The following METTL22 variants were observed in gnomAD, a reference collection of about 807,000 sequenced individuals.
METTL22 encodes the protein methyltransferase-like protein 22.
Under a neutral mutation model 48.4 loss-of-function variants are expected in METTL22, and 51 were observed. The observed-to-expected ratio is 1.05, with a 90% CI of 0.84 to 1.33. The LOEUF (loss-of-function observed/expected upper bound fraction) is 1.33, where lower values mean the gene tolerates loss of function less well. Ranked by LOEUF, METTL22 falls within the 40% of genes most tolerant of loss-of-function variation. The pLI is 0.00. For missense variants in METTL22, 678 were observed against 526.9 expected (o/e 1.29, Z -2.81); for synonymous variants, 255 against 214.1 (o/e 1.19, Z -1.67).
chr16:8,644,755 G>A (rs2056734077), intron 10 of METTL22, 30 bp downstream of exon 10: 3 of 1,524,906 alleles, frequency 2.0e-6, no homozygotes, highest in African/African-American at 1.4e-5. Context: ...CAGGGCCGTT[G>A]GTTGCTTTAC....
Position 8,646,611 on chromosome 16 carries a change from C to G in METTL22, c.*468C>G. 1 of 460,268 alleles carries G rather than the reference C, an allele frequency of 2.2e-6. No homozygotes were observed. The highest frequency in any genetic ancestry group is 2.3e-5 in the Admixed American group (1 of 42,664). The allele number at this position is 460,268 out of a possible 1,614,324, so 28.5% of individuals were successfully genotyped here. A position where few individuals can be genotyped will look rare whatever the true frequency, so the allele number is the denominator to read the frequency against. On this transcript the variant is annotated 3_prime_UTR_variant, in exon 11 of 11. Transcript: ENST00000381920. ...TCCTCCCAGGGTTGGGTATGCTCCA[C>G]CCCATCACTCTGGTGAGGGCCCCAT...
intron 5 of METTL22, among the ~76,000 whole-genome samples, chr16:8,636,258 G>C (rs2056418029): frequency 6.6e-6 from 1 of 152,136 alleles, no homozygotes; most frequent in Non-Finnish European, 1.5e-5. Flanking sequence ...ATATAGGCCA[G>C]GTGCGGTGGC....
downstream of METTL22, among the ~76,000 whole-genome samples, chr16:8,651,151 G>A (rs2056889406): frequency 6.6e-6 from 1 of 152,086 alleles, no homozygotes; most frequent in Non-Finnish European, 1.5e-5. Flanking sequence ...ACTTTGGGAG[G>A]CCGAGGTGGG....
chr16:8,662,234 T>C, the METTL22 span, among the ~76,000 whole-genome samples: 2 of 145,278 alleles, frequency 1.4e-5, no homozygotes, highest in African/African-American at 5.2e-5. Context: ...AGAGCGAGAC[T>C]CTGTCTCTAA....
chr16:8,666,145 A>C, the METTL22 span, among the ~76,000 whole-genome samples: 3 of 152,152 alleles, frequency 2.0e-5, no homozygotes, highest in African/African-American at 7.2e-5. Context: ...CTCAACCTGA[A>C]AGGGACAGGT....
intron 6 of METTL22, among the ~76,000 whole-genome samples, 181 bp from the exon 7 acceptor site, chr16:8,640,930 ATGGATGGATGGATGGGTGGG>A (rs2056588666): frequency 1.4e-5 from 1 of 69,858 alleles, no homozygotes; most frequent in African/African-American, 4.9e-5. Flanking sequence ...GGATGGATGG[ATGGATGGATGGATGGGTGGG>A]TGGATGGCTG....
At chr16:8,632,548 A>G (rs987201018) in intron 3 of METTL22, among the ~76,000 whole-genome samples, 1 of 152,052 alleles carries the variant, frequency 6.6e-6, no homozygotes, top group Non-Finnish European at 1.5e-5. Flanking sequence ...TTCTCAGACT[A>G]TGACCCTGGG....
chr16:8,622,126 C>T (rs530658773), intron 1 of METTL22, among the ~76,000 whole-genome samples: 1 of 152,316 alleles, frequency 6.6e-6, no homozygotes, highest in African/African-American at 2.4e-5. Context: ...GGGACGTCCC[C>T]GGAGCCCCTC....
intron 2 of METTL22, among the ~76,000 whole-genome samples, chr16:8,626,023 A>T (rs77731675): frequency 6.6e-6 from 1 of 152,006 alleles, no homozygotes; most frequent in Non-Finnish European, 1.5e-5. Context: ...CTTAAAGACA[A>T]TCTCACTCTG....
intron 10 of METTL22, 110 bp from the exon 11 acceptor site, chr16:8,645,998 G>C: frequency 6.5e-7 from 1 of 1,532,662 alleles, no homozygotes; most frequent in Non-Finnish European, 8.8e-7. Flanking sequence ...CCTGCTCCGT[G>C]GCTGACGTGT....
the METTL22 span, among the ~76,000 whole-genome samples, chr16:8,659,530 C>G: frequency 6.6e-6 from 1 of 152,084 alleles, no homozygotes; most frequent in African/African-American, 2.4e-5. Context: ...TTACACCTGT[C>G]TGACCTCACG....
Position 8,642,250 on chromosome 16 carries a change from C to T in METTL22, c.907+43C>T, listed in dbSNP as rs2056642925. On this transcript the variant is annotated intron_variant, in intron 8 of 10. Transcript: ENST00000381920. ...TCGCCGTACACGTCCTTTGTTGTAG[C>T]ATGAAGTCAAGTGCAGTCTCTCCTC... 1.9e-6 allele frequency: 3 copies of T among 1,550,298 alleles called. No individual in the cohort carries two copies. In the African/African-American group the frequency reaches 4.1e-5, roughly 21 times the overall value.
chr16:8,651,386 C>CAAAAAAAAAAAAAAAAAAA (rs768911703), downstream of METTL22, among the ~76,000 whole-genome samples: 13 of 49,070 alleles, frequency 2.6e-4, 2 homozygotes, highest in African/African-American at 9.8e-4. Context: ...GACTCTGTCT[C>CAAAAAAAAAAAAAAAAAAA]AAAAAAAAAA....
downstream of METTL22, among the ~76,000 whole-genome samples, chr16:8,651,733 T>C (rs1283940139): frequency 6.6e-6 from 1 of 152,182 alleles, no homozygotes; most frequent in Non-Finnish European, 1.5e-5. Context: ...TACACGAGCA[T>C]GATTTTGGAG....
At chr16:8,638,876 C>G (rs1362345) in intron 5 of METTL22, among the ~76,000 whole-genome samples, 150,423 of 152,330 alleles carry the variant, frequency 0.99, 74,305 homozygotes, top group Middle Eastern at 1. Context: ...CGCACTGTCT[C>G]TCCCCATCAG....
downstream of METTL22, among the ~76,000 whole-genome samples, chr16:8,650,534 C>G (rs191729920): frequency 1.7e-3 from 265 of 152,318 alleles, no homozygotes; most frequent in Admixed American, 4.9e-3. Context: ...TGGTAGCAGA[C>G]TAGGGTGGCT....
the METTL22 span, among the ~76,000 whole-genome samples, chr16:8,658,170 T>C: frequency 6.6e-6 from 1 of 152,142 alleles, no homozygotes; most frequent in Non-Finnish European, 1.5e-5. Flanking sequence ...ACAGTGAAGA[T>C]GGCCTATGAA....
Position 8,641,169 on chromosome 16 carries a change from G to A in METTL22, c.811G>A (p.Asp271Asn). 1 of 1,614,004 alleles carries A rather than the reference G, an allele frequency of 6.2e-7. No individual in the cohort carries two copies. The highest frequency in any genetic ancestry group is 8.5e-7 in the Non-Finnish European group (1 of 1,179,962). ...GGTCAAAGAACTGGACTGGCTGAAGGACGACCTCTGCACAGGTGTGTGTTT... is the reference window on the plus strand; with the variant it reads ...GGTCAAAGAACTGGACTGGCTGAAGAACGACCTCTGCACAGGTGTGTGTTT... ...VRVKELDWLK[D>N]DLCTDPKVPF... Residue 271 changes from aspartate to asparagine, a missense_variant, in exon 7 of 11, where the codon GAC becomes AAC. Asp to Asn is a conservative substitution (Grantham distance 23). Transcript: ENST00000381920.
intron 10 of METTL22, among the ~76,000 whole-genome samples, chr16:8,645,395 C>G (rs2056756034): frequency 6.6e-6 from 1 of 152,108 alleles, no homozygotes; most frequent in African/African-American, 2.4e-5. Flanking sequence ...ATTGCTCTGC[C>G]ACTTCTGGGC....
Sources: allele counts gnomAD v4.1 joint callset (sites outside exome capture counted in the v4.1 genomes callset), GRCh38; gene constraint gnomAD v4.1.1; transcripts MANE v1.5; gene names NCBI Gene and HGNC (gene_info 2026-07-23, HGNC 2026-07-21).